Variants in DGKB observed in about 807,000 individuals in gnomAD.
The protein encoded by DGKB is 90 kDa diacylglycerol kinase.
DGKB carries 67 observed loss-of-function variants against 114.3 expected under a neutral mutation model. The observed-to-expected ratio is 0.59, with a 90% CI of 0.48 to 0.72. The LOEUF (loss-of-function observed/expected upper bound fraction) is 0.72, where lower values mean the gene tolerates loss of function less well. Among genes scored for constraint, DGKB ranks in the 30% least tolerant of loss-of-function variants. The pLI is 0.00. For synonymous variants in DGKB, 398 were observed against 323.1 expected, an observed-to-expected ratio of 1.23 and a Z score of -2.49; for missense variants, 907 against 975.2, an observed-to-expected ratio of 0.93 and a Z score of 0.93.
chr7:14,249,506 C>G (rs1056767384), intron 23 of DGKB, among the ~76,000 whole-genome samples: 1 of 152,116 alleles, frequency 6.6e-6, no homozygotes, highest in African/African-American at 2.4e-5. Flanking sequence ...ATTACTGATT[C>G]AATCTCCTTA....
intron 9 of DGKB, among the ~76,000 whole-genome samples, chr7:14,689,336 C>T (rs1041569269): frequency 5.3e-5 from 8 of 151,414 alleles, no homozygotes; most frequent in African/African-American, 1.5e-4. Context: ...CCACTGCGCC[C>T]GGCTAATTTT....
chr7:14,928,437 C>A (rs1014326092), intron 1 of DGKB, among the ~76,000 whole-genome samples: 2 of 151,918 alleles, frequency 1.3e-5, no homozygotes, highest in African/African-American at 4.8e-5. Context: ...TCTGATCACA[C>A]ATATTTTTAT....
intron 1 of DGKB, among the ~76,000 whole-genome samples, chr7:14,884,212 C>G (rs1310531763): frequency 6.6e-6 from 1 of 151,910 alleles, no homozygotes; most frequent in African/African-American, 2.4e-5. Flanking sequence ...ACTTTATTTA[C>G]AAATACAATC....
intron 21 of DGKB, among the ~76,000 whole-genome samples, chr7:14,386,598 T>C (rs1360290002): frequency 6.6e-6 from 1 of 152,204 alleles, no homozygotes; most frequent in Non-Finnish European, 1.5e-5. Flanking sequence ...ATGCAAGAGA[T>C]AAGTGAGTAA....
At chr7:14,613,256 G>A (rs927368352) in intron 16 of DGKB, 84 bp downstream of exon 16, 1 of 750,416 alleles carries the variant, frequency 1.3e-6, no homozygotes, top group Non-Finnish European at 2.2e-6. Context: ...AGGAATAATT[G>A]TTTTTAAGCA....
intron 20 of DGKB, among the ~76,000 whole-genome samples, chr7:14,549,080 A>G (rs1387150394): frequency 6.6e-6 from 1 of 152,092 alleles, no homozygotes; most frequent in African/African-American, 2.4e-5. Flanking sequence ...AAGTAAAGTT[A>G]GAAAATCTCT....
rs531647630 is a variant in DGKB, at chr7:14,225,647, G to A, written c.2123-47496C>T. On this transcript the variant is annotated intron_variant, in intron 23 of 25. Transcript: ENST00000402815. ...TATATAGATATTAACAAGAGTGATC[G>A]GAATATTGTGATGGGTTATTTTGAT... Among the ~76,000 whole-genome samples, 105 of 151,826 alleles carry A rather than the reference G, an allele frequency of 6.9e-4. 1 individual carries two copies. The highest frequency in any genetic ancestry group is 3.4e-3 in the Middle Eastern group (1 of 294).
At chr7:14,836,640 G>A (rs13233652) in intron 2 of DGKB, among the ~76,000 whole-genome samples, 1 of 152,156 alleles carries the variant, frequency 6.6e-6, no homozygotes, top group Non-Finnish European at 1.5e-5. Context: ...ACAACAGTTT[G>A]GATGACTTTA....
intron 21 of DGKB, among the ~76,000 whole-genome samples, chr7:14,473,074 A>C (rs1365883544): frequency 6.6e-6 from 1 of 152,208 alleles, no homozygotes; most frequent in Non-Finnish European, 1.5e-5. Flanking sequence ...ATGAGGAGTC[A>C]AACGTTAATC....
At chr7:14,392,837 T>C (rs1821527381) in intron 21 of DGKB, among the ~76,000 whole-genome samples, 1 of 152,118 alleles carries the variant, frequency 6.6e-6, no homozygotes. Context: ...ATTTATTCTA[T>C]ATACCAAGAT....
Position 14,729,069 on chromosome 7 carries a change from T to G in DGKB, c.322+6972A>C, listed in dbSNP as rs1043938598. On this transcript the variant is annotated intron_variant, in intron 5 of 25. Coordinates refer to ENST00000402815, the MANE Select transcript of DGKB (RefSeq NM_001350709.2). ...CATCTGATATGGTACACGTATTTACTTTTCTGTATGTCTGCCTCTCCCCAC... is the reference window on the plus strand; with the variant it reads ...CATCTGATATGGTACACGTATTTACGTTTCTGTATGTCTGCCTCTCCCCAC... Among the ~76,000 whole-genome samples, 48 of 151,858 alleles carry G rather than the reference T, an allele frequency of 3.2e-4. 1 individual carries two copies. The highest frequency in any genetic ancestry group is 1.5e-4 in the Non-Finnish European group (10 of 67,960).
intron 23 of DGKB, among the ~76,000 whole-genome samples, chr7:14,292,285 G>T: frequency 6.6e-6 from 1 of 151,988 alleles, no homozygotes; most frequent in East Asian, 1.9e-4. Context: ...CCTTCCTACG[G>T]GGTCTTCTCT....
upstream of DGKB, among the ~76,000 whole-genome samples, chr7:14,906,522 C>T (rs532031772): frequency 2.1e-5 from 3 of 140,142 alleles, no homozygotes; most frequent in East Asian, 4.1e-4. Context: ...GATGTGATCT[C>T]GGCTCACTGC....
At chr7:14,234,237 C>G (rs1792396407) in intron 23 of DGKB, among the ~76,000 whole-genome samples, 2 of 152,138 alleles carry the variant, frequency 1.3e-5, no homozygotes, top group South Asian at 4.2e-4. Flanking sequence ...GTTGCATGAA[C>G]CCTTGTCCGT....
At chr7:14,151,478 A>T (rs943991599) in intron 25 of DGKB, among the ~76,000 whole-genome samples, 11 of 151,432 alleles carry the variant, frequency 7.3e-5, no homozygotes, top group Admixed American at 4.6e-4. Context: ...AAAAAAAAAA[A>T]TTACATGATT....
At chr7:14,290,829 G>A (rs957945946) in intron 23 of DGKB, among the ~76,000 whole-genome samples, 1 of 152,072 alleles carries the variant, frequency 6.6e-6, no homozygotes, top group East Asian at 1.9e-4. Context: ...TAGAGGAATG[G>A]CCTGCTATTA....
intron 1 of DGKB, among the ~76,000 whole-genome samples, chr7:14,917,065 TA>T (rs1392874779): frequency 2.0e-5 from 3 of 152,106 alleles, no homozygotes; most frequent in Non-Finnish European, 2.9e-5. Flanking sequence ...AAAGAAATTT[TA>T]AAATATTTTA....
chr7:14,201,180 A>T (rs1044975427), intron 23 of DGKB, among the ~76,000 whole-genome samples: 1 of 151,992 alleles, frequency 6.6e-6, no homozygotes, highest in Non-Finnish European at 1.5e-5. Context: ...TTTTCACTGT[A>T]ACCTTACAGG....
chr7:14,297,849 C>A (rs1215816219), intron 23 of DGKB, among the ~76,000 whole-genome samples: 1 of 152,158 alleles, frequency 6.6e-6, no homozygotes. Flanking sequence ...AAAACAACTT[C>A]AGCAAAGTCT....
Sources: allele counts gnomAD v4.1 joint callset (sites outside exome capture counted in the v4.1 genomes callset), GRCh38; gene constraint gnomAD v4.1.1; transcripts MANE v1.5; gene names NCBI Gene and HGNC (gene_info 2026-07-23, HGNC 2026-07-21).